The following SLC5A10 variants were observed in gnomAD, a reference collection of about 807,000 sequenced individuals.
SLC5A10 encodes sodium/mannose cotransporter SLC5A10.
Under a neutral mutation model 68.9 loss-of-function variants are expected in SLC5A10, and 55 were observed. That is an observed-to-expected ratio of 0.80 (90% CI 0.64 to 1.00). The LOEUF is 1.00. Ranked by LOEUF, SLC5A10 falls within the 50% of genes least tolerant of loss-of-function variation. The probability of loss-of-function intolerance (pLI) is 0.00; values close to 1 mark genes in which losing one functional copy is unlikely to be tolerated. For synonymous variants in SLC5A10, 344 were observed against 344.8 expected (o/e 1.00, Z 0.02); for missense variants, 732 against 819.3 (o/e 0.89, Z 1.30).
chr17:18,973,873 TTTTTTTTTAAG>T (rs1396000985), intron 8 of SLC5A10, among the ~76,000 whole-genome samples: 2 of 144,622 alleles, frequency 1.4e-5, no homozygotes, highest in African/African-American at 5.1e-5. Context: ...AATTTTTGTA[TTTTTTTTTAAG>T]TTTTTTTTTT....
At chr17:18,966,485 C>T (rs939607070) in intron 5 of SLC5A10, among the ~76,000 whole-genome samples, 3 of 152,140 alleles carry the variant, frequency 2.0e-5, no homozygotes, top group African/African-American at 7.2e-5. Flanking sequence ...GACTCTGGGC[C>T]GGGTGCGGTG....
rs746971207 is a variant in SLC5A10, at chr17:18,978,827, G to A, written c.982+1838G>A. The A allele has an allele frequency of 1.0e-4, 164 of 1,612,384 alleles. 2 individuals carry two copies. The South Asian group carries it at 1.2e-3, about 12-fold the overall frequency. On this transcript the variant is annotated intron_variant, in intron 9 of 14. Transcript: ENST00000395645. ...CAGCACAGAGATCACATTCCGGTCC[G>A]TCCGCGCGGCCGACCACGTGAAGCT... is the stretch of plus-strand genomic sequence containing the variant.
chr17:19,007,085 A>G (rs1177156930), intron 9 of SLC5A10, among the ~76,000 whole-genome samples: 1 of 152,216 alleles, frequency 6.6e-6, no homozygotes, highest in African/African-American at 2.4e-5. Flanking sequence ...TGCATGTTCA[A>G]ACACTGCCAA....
chr17:18,950,776 C>T (rs1055486429), upstream of SLC5A10: 19 of 809,866 alleles, frequency 2.3e-5, no homozygotes, highest in Non-Finnish European at 2.7e-5. Context: ...ACTGCAATGG[C>T]GCAGTCTTGG....
chr17:18,963,091 C>T (rs2469846), intron 5 of SLC5A10, among the ~76,000 whole-genome samples: 28,615 of 152,132 alleles, frequency 0.19, 3,441 homozygotes, highest in Non-Finnish European at 0.27. Flanking sequence ...TGGTGGCATG[C>T]GCCTGTAGCT....
rs1267553234 is a variant in SLC5A10, at chr17:19,003,376, C to T, written c.983-10034C>T. Reference sequence around the variant, plus strand: ...CCCCACGAAGGTGGGGAGGAAACCTCCACCCAAGAGGCAGCCAGGGAAAAC... The same window carrying T: ...CCCCACGAAGGTGGGGAGGAAACCTTCACCCAAGAGGCAGCCAGGGAAAAC... On this transcript the variant is annotated intron_variant, in intron 9 of 14. Transcript: ENST00000395645. This position sits in a 1 kb window ranked among gnomAD's most constrained non-coding sequence, Gnocchi z 4.5. 4.4e-6 allele frequency: 4 copies of T among 900,624 alleles called. No individual in the cohort carries two copies. The highest frequency in any genetic ancestry group is 3.0e-4 in the Middle Eastern group (1 of 3,310). The allele number at this position is 900,624 out of a possible 1,614,324, so 55.8% of individuals were successfully genotyped here.
chr17:18,997,434 G>A (rs946855880), intron 9 of SLC5A10, among the ~76,000 whole-genome samples: 2 of 152,250 alleles, frequency 1.3e-5, no homozygotes, highest in African/African-American at 2.4e-5. Flanking sequence ...GCTTGCAGGC[G>A]CAGGATCCAG....
chr17:18,984,332 C>CAA (rs1176935676), intron 9 of SLC5A10, among the ~76,000 whole-genome samples: 17,497 of 67,350 alleles, frequency 0.26, 2,503 homozygotes, highest in African/African-American at 0.49. Flanking sequence ...GACTCCCTCT[C>CAA]AAAAAAAAAA....
intron 5 of SLC5A10, among the ~76,000 whole-genome samples, chr17:18,962,816 G>A (rs2469844): frequency 0.31 from 47,636 of 151,968 alleles, 7,748 homozygotes; most frequent in Non-Finnish European, 0.36. Flanking sequence ...CTGAGCCATG[G>A]GCACAGGGTT....
Position 19,004,110 on chromosome 17 carries a change from C to G in SLC5A10, c.983-9300C>G. 6.8e-7 allele frequency: 1 copy of G among 1,477,318 alleles called. No individual in the cohort carries two copies. The highest frequency in any genetic ancestry group is 9.1e-7 in the Non-Finnish European group (1 of 1,103,012). The allele number at this position is 1,477,318 out of a possible 1,614,324, so 91.5% of individuals were successfully genotyped here. A position where few individuals can be genotyped will look rare whatever the true frequency, so the allele number is the denominator to read the frequency against. On this transcript the variant is annotated intron_variant, in intron 9 of 14. Transcript: ENST00000395645. The surrounding 1 kb of genome is among the most constrained non-coding windows in gnomAD (Gnocchi z 5.4). Reference sequence around the variant, plus strand: ...GGTCCAGCTCCTAGCTCCGGCCCAGCTGGGGCACCGCGCGCTCGGGGGCCT... The same window carrying G: ...GGTCCAGCTCCTAGCTCCGGCCCAGGTGGGGCACCGCGCGCTCGGGGGCCT...
intron 9 of SLC5A10, among the ~76,000 whole-genome samples, chr17:19,002,045 C>T (rs1219846198): frequency 1.3e-5 from 2 of 152,202 alleles, no homozygotes; most frequent in Non-Finnish European, 2.9e-5. Flanking sequence ...ACATCAGCAG[C>T]ACTTCCTCCA....
chr17:18,986,443 T>A (rs960337949), intron 9 of SLC5A10: 3 of 152,230 alleles, frequency 2.0e-5, no homozygotes, highest in African/African-American at 4.8e-5. Flanking sequence ...GCGCCACCCC[T>A]AAATTGGTCG....
intron 9 of SLC5A10, among the ~76,000 whole-genome samples, chr17:18,989,010 G>A (rs532980845): frequency 3.3e-5 from 5 of 152,312 alleles, no homozygotes; most frequent in South Asian, 2.1e-4. Context: ...GTATGGGCCC[G>A]GCCCCAGTGG....
chr17:19,008,817 T>TATTA (rs1567810641), intron 9 of SLC5A10, among the ~76,000 whole-genome samples: 7 of 143,522 alleles, frequency 4.9e-5, no homozygotes, highest in African/African-American at 1.8e-4. Flanking sequence ...ATTATTATTT[T>TATTA]TTTTTTTTTT....
Position 18,978,708 on chromosome 17 carries a change from C to T in SLC5A10, c.982+1719C>T, listed in dbSNP as rs748051047. The T allele has an allele frequency of 6.2e-7, 1 of 1,612,982 alleles. No homozygotes were observed. Among genetic ancestry groups the T allele is most frequent in the Non-Finnish European group, 8.5e-7 (1 of 1,180,008 alleles). ...AGCACAATAGGCTCCGGCTCCGGTTCCTTCTCCATAGGGATGCCCTTGAGG... is the reference window on the plus strand; with the variant it reads ...AGCACAATAGGCTCCGGCTCCGGTTTCTTCTCCATAGGGATGCCCTTGAGG... On this transcript the variant is annotated intron_variant, in intron 9 of 14. Coordinates refer to ENST00000395645, the MANE Select transcript of SLC5A10 (RefSeq NM_001042450.4).
intron 1 of SLC5A10, among the ~76,000 whole-genome samples, chr17:18,955,914 G>T (rs1022668268): frequency 1.3e-5 from 2 of 152,146 alleles, no homozygotes; most frequent in Non-Finnish European, 2.9e-5. Flanking sequence ...AAATAAATAG[G>T]CCGGGCGCGG....
In SLC5A10 at chr17:19,003,595, G is replaced by A; in HGVS notation, c.983-9815G>A. On this transcript the variant is annotated intron_variant, in intron 9 of 14. Transcript: ENST00000395645. The surrounding 1 kb of genome is among the most constrained non-coding windows in gnomAD (Gnocchi z 4.5). ...GCCCGTCTATGGGGGGCTGCATGTA[G>A]ACGCTAGCCCGGGTCACGCCGCGGT... The A allele has an allele frequency of 3.7e-6, 6 of 1,607,212 alleles. No individual in the cohort carries two copies. Among genetic ancestry groups the A allele is most frequent in the Non-Finnish European group, 5.1e-6 (6 of 1,176,710 alleles).
Position 18,984,168 on chromosome 17 carries a change from C to A in SLC5A10, c.982+7179C>A, listed in dbSNP as rs988887882. ...CCATCCTGGCTAACACGGTGAAACC[C>A]CATCTCTACTAAAAATACAAAAAAT... is the stretch of plus-strand genomic sequence containing the variant. On this transcript the variant is annotated intron_variant, in intron 9 of 14. Transcript: ENST00000395645. 8.6e-5 allele frequency among the ~76,000 whole-genome samples: 13 copies of A among 152,038 alleles called. No individual in the cohort carries two copies. The East Asian group carries it at 2.3e-3, about 27-fold the overall frequency.
chr17:18,986,698 G>A (rs1427192585), intron 9 of SLC5A10, among the ~76,000 whole-genome samples: 1 of 152,232 alleles, frequency 6.6e-6, no homozygotes, highest in East Asian at 1.9e-4. Flanking sequence ...CCCAGGTTAG[G>A]GTCCCTGCTC....
Sources: allele counts gnomAD v4.1 joint callset (sites outside exome capture counted in the v4.1 genomes callset), GRCh38; gene constraint gnomAD v4.1.1; non-coding constraint Gnocchi (gnomAD v3.1); transcripts MANE v1.5; gene names NCBI Gene and HGNC (gene_info 2026-07-23, HGNC 2026-07-21).